Variants in ATRNL1 observed in about 807,000 individuals in gnomAD.
ATRNL1 encodes attractin like 1.
In ATRNL1, 95 loss-of-function variants were observed where a neutral mutation model predicts 182.7. The ratio of observed to expected loss-of-function variants is 0.52; its 90% CI spans 0.44 to 0.62. The LOEUF (loss-of-function observed/expected upper bound fraction) is 0.62. ATRNL1 is among the 20% of genes least tolerant of loss of function. The pLI is 0.00. For synonymous variants in ATRNL1, 576 were observed against 568.3 expected, an observed-to-expected ratio of 1.01 and a Z score of -0.19; for missense variants, 1,471 against 1,679.5, an observed-to-expected ratio of 0.88 and a Z score of 2.17.
intron 21 of ATRNL1, among the ~76,000 whole-genome samples, chr10:115,439,282 C>T (rs1554965281): frequency 6.6e-6 from 1 of 151,744 alleles, no homozygotes. Context: ...ACTTGCATAG[C>T]TCAAACCTGT....
chr10:115,489,457 C>T lies in ATRNL1; in HGVS notation c.3654+20128C>T, dbSNP rs535296787. On this transcript the variant is annotated intron_variant, in intron 24 of 28. Coordinates refer to ENST00000355044, the MANE Select transcript of ATRNL1 (RefSeq NM_207303.4). ...AGGATAGTCAGCTCTTCTTGTTGAA[C>T]TGATCCCTTTACCATTATGTAATGG... Among the ~76,000 whole-genome samples the T allele has an allele frequency of 4.5e-3, 687 of 152,176 alleles. 6 individuals carry two copies. The highest frequency in any genetic ancestry group is 7.7e-3 in the Non-Finnish European group (521 of 67,986).
intron 15 of ATRNL1, among the ~76,000 whole-genome samples, chr10:115,289,538 AT>A (rs1156984057): frequency 2.0e-5 from 3 of 151,796 alleles, no homozygotes; most frequent in Admixed American, 2.0e-4. Context: ...TCTTTGATCC[AT>A]TTTTTTGTTG....
At chr10:115,716,089 T>A (rs540244163) in intron 26 of ATRNL1, among the ~76,000 whole-genome samples, 131 of 152,298 alleles carry the variant, frequency 8.6e-4, no homozygotes, top group African/African-American at 1.6e-3. Flanking sequence ...TCATTTTTTT[T>A]AAAAAACATC....
chr10:115,305,641 C>T (rs181172857), intron 17 of ATRNL1, among the ~76,000 whole-genome samples: 59 of 152,176 alleles, frequency 3.9e-4, no homozygotes, highest in Admixed American at 3.1e-3. Flanking sequence ...GCTTGTCTCT[C>T]GACAAACATT....
At chr10:115,386,128 G>A (rs138665153) in intron 19 of ATRNL1, among the ~76,000 whole-genome samples, 1 of 151,980 alleles carries the variant, frequency 6.6e-6, no homozygotes, top group Admixed American at 6.5e-5. Context: ...TATAAAATTT[G>A]TTGTATAAAT....
chr10:115,105,762 C>T (rs7099807), intron 1 of ATRNL1, among the ~76,000 whole-genome samples: 3,737 of 152,252 alleles, frequency 0.025, 52 homozygotes, highest in South Asian at 0.029. Flanking sequence ...GTTGAGCCTG[C>T]GGGTGCACAG....
intron 26 of ATRNL1, among the ~76,000 whole-genome samples, chr10:115,556,469 G>A (rs923094911): frequency 6.6e-6 from 1 of 152,106 alleles, no homozygotes; most frequent in Non-Finnish European, 1.5e-5. Context: ...GAATAATGAA[G>A]TTTATGTCTG....
At chr10:115,214,837 G>T (rs1554895826) in intron 8 of ATRNL1, among the ~76,000 whole-genome samples, 1 of 152,096 alleles carries the variant, frequency 6.6e-6, no homozygotes, top group South Asian at 2.1e-4. Context: ...ATCTATTGTA[G>T]ATACAGCAAG....
chr10:115,680,129 C>G (rs896075673), intron 26 of ATRNL1, among the ~76,000 whole-genome samples: 1 of 152,118 alleles, frequency 6.6e-6, no homozygotes, highest in Non-Finnish European at 1.5e-5. Context: ...GTAACAGCAG[C>G]GCTCTACTCC....
Position 115,171,125 on chromosome 10 carries a change from C to T in ATRNL1, c.1181C>T (p.Ser394Leu), listed in dbSNP as rs373819068. 7.5e-6 allele frequency: 12 copies of T among 1,610,066 alleles called. No homozygotes were observed. The highest frequency in any genetic ancestry group is 9.3e-6 in the Non-Finnish European group (11 of 1,177,506). ...ELWVFNIHSQ[S>L]WSTKTPTVLG... The stretch of plus-strand genomic sequence containing the variant: ...TGGGTTTTTAACATACATAGTCAGT[C>T]ATGGAGTACAAAAACTCCTACTGTT... Residue 394 changes from serine to leucine, a missense_variant, in exon 8 of 29, where the codon TCA becomes TTA. This residue lies in a region of ATRNL1 where 1,031 missense variants were observed against 1,156.0 expected (regional missense o/e 0.89). Transcript: ENST00000355044.
Position 115,266,832 on chromosome 10 carries a change from T to C in ATRNL1, c.1808T>C (p.Leu603Pro). Residue 603 changes from leucine to proline, a missense_variant, in exon 12 of 29, where the codon CTC becomes CCC. Leu to Pro is a moderately conservative substitution (Grantham distance 98). This residue lies in a region of ATRNL1 where 1,031 missense variants were observed against 1,156.0 expected (regional missense o/e 0.89). Coordinates refer to ENST00000355044, the MANE Select transcript of ATRNL1 (RefSeq NM_207303.4). ...MYIFGGFSSV[L>P]LNDILVYKPP... is the part of the protein sequence containing the mutation. ...ATATTTGGGGGATTTTCTAGTGTAC[T>C]CCTTAATGATATCCTTGTATACAAG... 1 of 1,610,094 alleles carries C rather than the reference T, an allele frequency of 6.2e-7. No individual in the cohort carries two copies. The highest frequency in any genetic ancestry group is 8.5e-7 in the Non-Finnish European group (1 of 1,177,350).
At chr10:115,618,773 C>A (rs1476312087) in intron 26 of ATRNL1, among the ~76,000 whole-genome samples, 2 of 152,114 alleles carry the variant, frequency 1.3e-5, no homozygotes, top group Non-Finnish European at 2.9e-5. Flanking sequence ...TCTTTTATCT[C>A]ACTGAGTTTT....
At chr10:115,367,998 G>C (rs547384339) in intron 19 of ATRNL1, among the ~76,000 whole-genome samples, 61 of 152,234 alleles carry the variant, frequency 4.0e-4, no homozygotes, top group African/African-American at 1.2e-3. Flanking sequence ...GCCCCCAGAG[G>C]TGGAGCCTAC....
intron 19 of ATRNL1, among the ~76,000 whole-genome samples, chr10:115,369,385 G>C (rs1857266019): frequency 6.6e-6 from 1 of 151,968 alleles, no homozygotes. Flanking sequence ...TTCCGTGAGA[G>C]GGATGAGGGA....
At chr10:115,943,633 AC>A (rs1953794973) in intron 28 of ATRNL1, among the ~76,000 whole-genome samples, 1 of 152,016 alleles carries the variant, frequency 6.6e-6, no homozygotes, top group Non-Finnish European at 1.5e-5. Flanking sequence ...TTTTAACTAA[AC>A]TAAAACATAA....
chr10:115,518,054 G>T (rs982596867), intron 24 of ATRNL1, among the ~76,000 whole-genome samples: 4 of 151,826 alleles, frequency 2.6e-5, no homozygotes, highest in Non-Finnish European at 5.9e-5. Context: ...ACATGCCAAA[G>T]AATCATTTTC....
chr10:115,659,702 A>G (rs1593023946), intron 26 of ATRNL1, among the ~76,000 whole-genome samples: 1 of 152,136 alleles, frequency 6.6e-6, no homozygotes. Context: ...TAACTTACAC[A>G]TAATCATTGG....
intron 27 of ATRNL1, among the ~76,000 whole-genome samples, chr10:115,845,239 T>C (rs572461237): frequency 1.3e-5 from 2 of 152,220 alleles, no homozygotes; most frequent in South Asian, 2.1e-4. Context: ...AAAATAGAAG[T>C]ATAATCTCCT....
intron 28 of ATRNL1, among the ~76,000 whole-genome samples, chr10:115,885,613 T>A (rs1951925840): frequency 6.6e-6 from 1 of 152,202 alleles, no homozygotes; most frequent in South Asian, 2.1e-4. Context: ...AAAATAGAAA[T>A]CACTTATAAT....
Sources: allele counts gnomAD v4.1 joint callset (sites outside exome capture counted in the v4.1 genomes callset), GRCh38; gene constraint gnomAD v4.1.1; regional missense constraint gnomAD v4.1.1; transcripts MANE v1.5; gene names NCBI Gene and HGNC (gene_info 2026-07-23, HGNC 2026-07-21).